The following TRIO variants were observed in gnomAD, a reference collection of about 807,000 sequenced individuals.
TRIO encodes triple functional domain protein.
A neutral mutation model predicts 351.9 loss-of-function variants in TRIO; 58 were observed. The observed-to-expected ratio is 0.16, with a 90% CI of 0.13 to 0.21. The LOEUF (loss-of-function observed/expected upper bound fraction) is 0.21, where lower values mean the gene tolerates loss of function less well. Among genes scored for constraint, TRIO ranks in the 10% least tolerant of loss-of-function variants. TRIO has a pLI of 1.00. For synonymous variants in TRIO, 1,758 were observed against 1,595.7 expected (o/e 1.10, Z -2.42); for missense variants, 3,201 against 4,027.8 (o/e 0.79, Z 5.56).
chr5:14,392,542 C>A (rs1214692930), intron 27 of TRIO, among the ~76,000 whole-genome samples: 2 of 152,178 alleles, frequency 1.3e-5, no homozygotes, highest in Non-Finnish European at 2.9e-5. Flanking sequence ...GATCTAGAAC[C>A]AGAAATGCCA....
At chr5:14,372,670 C>T (rs941031607) in intron 18 of TRIO, among the ~76,000 whole-genome samples, 7 of 152,112 alleles carry the variant, frequency 4.6e-5, no homozygotes, top group African/African-American at 1.7e-4. Context: ...GCTATAGCAA[C>T]TTCTACATAT....
intron 9 of TRIO, among the ~76,000 whole-genome samples, chr5:14,328,530 T>C (rs73748808): frequency 0.01 from 1,536 of 152,322 alleles, 26 homozygotes; most frequent in African/African-American, 0.035. Flanking sequence ...GTTAAAACAA[T>C]GGACTCAATA....
At chr5:14,460,247 T>C (rs778183841) in intron 34 of TRIO, among the ~76,000 whole-genome samples, 13 of 152,024 alleles carry the variant, frequency 8.6e-5, no homozygotes, top group Non-Finnish European at 1.5e-4. Flanking sequence ...GTGGTGGCGT[T>C]TTTGTTCATT....
chr5:14,428,312 A>G (rs1192020401), intron 34 of TRIO, among the ~76,000 whole-genome samples: 1 of 152,200 alleles, frequency 6.6e-6, no homozygotes, highest in African/African-American at 2.4e-5. Context: ...CAAGCACATT[A>G]ATGCCTAGAT....
rs772007518 is a variant in TRIO at position 14,482,724 on chromosome 5, A to T, written c.6608A>T (p.Lys2203Ile). The T allele has an allele frequency of 5.0e-6, 8 of 1,610,232 alleles. No individual in the cohort carries two copies. In the Admixed American group the frequency reaches 6.7e-5, roughly 13 times the overall value. Reference protein sequence around the residue: ...QIVIFSEPLDKKKGFSMPGFL... With the variant: ...QIVIFSEPLDIKKGFSMPGFL... ...GTCATATTCAGCGAACCACTTGATA[A>T]AAAGAAGGGCTTCTCCATGCCGGGA... is the stretch of plus-strand genomic sequence containing the variant. The change falls in exon 46 of 57, where the codon AAA becomes ATA. Residue 2203 changes from lysine to isoleucine, a missense_variant. By Grantham distance (102) the Lys-to-Ile change is moderately radical. Coordinates refer to ENST00000344204, the MANE Select transcript of TRIO (RefSeq NM_007118.4).
intron 33 of TRIO, among the ~76,000 whole-genome samples, chr5:14,415,114 G>T (rs950327835): frequency 1.3e-5 from 2 of 152,190 alleles, no homozygotes; most frequent in African/African-American, 4.8e-5. Context: ...TGGGCTGTAG[G>T]CTGTGACGGT....
intron 11 of TRIO, among the ~76,000 whole-genome samples, chr5:14,355,998 C>T (rs1476639332): frequency 6.6e-6 from 1 of 152,126 alleles, no homozygotes; most frequent in African/African-American, 2.4e-5. Context: ...AATTTGATAA[C>T]TTAGACACAA....
At chr5:14,274,004 C>A (rs1735274259) in intron 2 of TRIO, among the ~76,000 whole-genome samples, 1 of 151,984 alleles carries the variant, frequency 6.6e-6, no homozygotes, top group East Asian at 1.9e-4. Context: ...AAGTAAATTC[C>A]AGATATTATT....
At chr5:14,479,731 A>C (rs1383767331) in intron 42 of TRIO, among the ~76,000 whole-genome samples, 188 bp from the exon 43 acceptor site, 2 of 152,214 alleles carry the variant, frequency 1.3e-5, no homozygotes, top group Non-Finnish European at 2.9e-5. Context: ...GACTGCTTTG[A>C]AAAACAACTC....
chr5:14,350,152 C>A (rs1250197400), intron 11 of TRIO, among the ~76,000 whole-genome samples: 1 of 152,154 alleles, frequency 6.6e-6, no homozygotes, highest in Non-Finnish European at 1.5e-5. Flanking sequence ...GCTCTGCCCG[C>A]AGAGTTCAAG....
chr5:14,327,779 A>G (rs11955435), intron 9 of TRIO, among the ~76,000 whole-genome samples: 25,700 of 152,254 alleles, frequency 0.17, 2,510 homozygotes, highest in Admixed American at 0.26. Flanking sequence ...AATATTTGAT[A>G]CTTCTCTTTT....
intron 1 of TRIO, among the ~76,000 whole-genome samples, chr5:14,254,197 C>T (rs535082073): frequency 4.0e-5 from 6 of 151,794 alleles, no homozygotes; most frequent in Admixed American, 6.6e-5. Flanking sequence ...CCCCTCCCCC[C>T]GCCTGAGACG....
chr5:14,311,730 C>T (rs752388639), intron 8 of TRIO, among the ~76,000 whole-genome samples: 1 of 152,126 alleles, frequency 6.6e-6, no homozygotes, highest in Non-Finnish European at 1.5e-5. Flanking sequence ...TCCCAGGCTT[C>T]GTGTGGAGGT....
chr5:14,455,960 A>C (rs1403175619), intron 34 of TRIO, among the ~76,000 whole-genome samples: 1 of 152,212 alleles, frequency 6.6e-6, no homozygotes, highest in East Asian at 1.9e-4. Context: ...GTGGGAGCCC[A>C]CCGCAGTGGG....
chr5:14,269,824 G>A (rs990623837), intron 1 of TRIO, among the ~76,000 whole-genome samples: 2 of 152,160 alleles, frequency 1.3e-5, no homozygotes, highest in South Asian at 2.1e-4. Context: ...TAGCATTTGC[G>A]ATGCTTTTCT....
intron 4 of TRIO, 37 bp from the exon 5 acceptor site, chr5:14,290,679 G>C: frequency 6.5e-7 from 1 of 1,544,108 alleles, no homozygotes; most frequent in African/African-American, 1.4e-5. Flanking sequence ...ATATAAAATT[G>C]GTTCATCTTC....
chr5:14,351,474 G>A (rs960229958), intron 11 of TRIO, among the ~76,000 whole-genome samples: 23 of 151,964 alleles, frequency 1.5e-4, no homozygotes, highest in South Asian at 8.3e-4. Context: ...CCTATGGCTC[G>A]CCCATTCCCA....
chr5:14,492,917 A>T, intron 49 of TRIO, 103 bp downstream of exon 49: 1 of 1,512,342 alleles, frequency 6.6e-7, no homozygotes, highest in Non-Finnish European at 8.9e-7. Context: ...TGGAAGGGAG[A>T]TCTGCGCTGG....
chr5:14,437,214 G>A (rs1012287050), intron 34 of TRIO, among the ~76,000 whole-genome samples: 2 of 152,014 alleles, frequency 1.3e-5, no homozygotes, highest in African/African-American at 4.8e-5. Flanking sequence ...AATTATGACT[G>A]TGAGACTCAG....
Sources: gnomAD v4.1 joint callset for allele counts (sites outside exome capture counted in the v4.1 genomes callset) on GRCh38, gnomAD v4.1.1 for gene constraint, MANE v1.5 for transcripts, NCBI Gene and HGNC (gene_info 2026-07-23, HGNC 2026-07-21) for gene names.